The following ROBO2 variants were observed in gnomAD, a reference collection of about 807,000 sequenced individuals.
ROBO2 encodes roundabout guidance receptor 2.
ROBO2 carries 53 observed loss-of-function variants against 160.8 expected under a neutral mutation model. The ratio of observed to expected loss-of-function variants is 0.33; its 90% CI spans 0.26 to 0.41. The LOEUF (loss-of-function observed/expected upper bound fraction) is 0.41. Ranked by LOEUF, ROBO2 falls within the 10% of genes least tolerant of loss-of-function variation. The probability of loss-of-function intolerance (pLI) is 1.00; values close to 1 mark genes in which losing one functional copy is unlikely to be tolerated. For missense variants in ROBO2, 1,577 were observed against 1,722.4 expected (o/e 0.92, Z 1.49); for synonymous variants, 664 against 611.7 (o/e 1.09, Z -1.26).
chr3:76,485,341 A>G (rs2079437531), intron 2 of ROBO2, among the ~76,000 whole-genome samples: 1 of 152,096 alleles, frequency 6.6e-6, no homozygotes, highest in Non-Finnish European at 1.5e-5. Flanking sequence ...AATAGGGTTC[A>G]TGCCCCTGTG....
intron 2 of ROBO2, among the ~76,000 whole-genome samples, chr3:77,379,796 A>C (rs2073194284): frequency 6.6e-6 from 1 of 152,018 alleles, no homozygotes; most frequent in Non-Finnish European, 1.5e-5. Flanking sequence ...TGTTCCATCC[A>C]GATGCCCTTT....
intron 2 of ROBO2, among the ~76,000 whole-genome samples, chr3:76,109,845 A>G (rs2070139301): frequency 6.6e-6 from 1 of 151,576 alleles, no homozygotes; most frequent in Non-Finnish European, 1.5e-5. Flanking sequence ...TGAACTCTAC[A>G]ATGTCTATTA....
At chr3:75,947,962 A>C (rs17028565) in intron 2 of ROBO2, among the ~76,000 whole-genome samples, 5,281 of 152,154 alleles carry the variant, frequency 0.035, 318 homozygotes, top group African/African-American at 0.12. Flanking sequence ...GGCATTCTGA[A>C]GTTGGAAGAT....
chr3:75,997,702 A>C (rs1334592289), intron 2 of ROBO2, among the ~76,000 whole-genome samples: 3 of 151,778 alleles, frequency 2.0e-5, no homozygotes, highest in South Asian at 2.1e-4. Context: ...ACCGTGTTAG[A>C]CAGGATGGTC....
At chr3:76,735,786 A>AAAAAGGGG (rs1553886639) in intron 2 of ROBO2, among the ~76,000 whole-genome samples, 4 of 126,600 alleles carry the variant, frequency 3.2e-5, no homozygotes, top group Non-Finnish European at 3.2e-5. Flanking sequence ...GAAAAAAAAA[A>AAAAAGGGG]GGGGAAAGGG....
At chr3:77,098,863 C>G (rs1350477377) in intron 2 of ROBO2, among the ~76,000 whole-genome samples, 1 of 134,558 alleles carries the variant, frequency 7.4e-6, no homozygotes, top group African/African-American at 3.0e-5. Flanking sequence ...CTCAAAAAAA[C>G]AAACAAACAA....
intron 2 of ROBO2, among the ~76,000 whole-genome samples, chr3:77,359,825 C>T (rs2069666851): frequency 6.6e-6 from 1 of 152,082 alleles, no homozygotes; most frequent in Non-Finnish European, 1.5e-5. Context: ...ACTGCAGACA[C>T]ATGCCACCAC....
intron 2 of ROBO2, among the ~76,000 whole-genome samples, chr3:76,109,809 C>T (rs1039419617): frequency 1.3e-5 from 2 of 151,934 alleles, no homozygotes; most frequent in African/African-American, 4.8e-5. Flanking sequence ...TTTCATCCCT[C>T]ATCCCTCTCC....
chr3:77,267,305 C>A (rs897003587), intron 2 of ROBO2, among the ~76,000 whole-genome samples: 5 of 152,186 alleles, frequency 3.3e-5, no homozygotes, highest in Admixed American at 2.0e-4. Flanking sequence ...TGGAAAACAT[C>A]TAAAACTGCA....
intron 2 of ROBO2, among the ~76,000 whole-genome samples, chr3:76,561,908 C>A (rs917973662): frequency 5.3e-5 from 8 of 152,164 alleles, no homozygotes; most frequent in Admixed American, 3.9e-4. Context: ...TTCTGCCAGA[C>A]CTTCTTCAAA....
intron 16 of ROBO2, among the ~76,000 whole-genome samples, chr3:77,582,193 C>A: frequency 6.6e-6 from 1 of 152,126 alleles, no homozygotes; most frequent in East Asian, 1.9e-4. Context: ...ACTCTGTCTC[C>A]AAGGTTCAAG....
chr3:76,747,789 A>G (rs968274876), intron 2 of ROBO2, among the ~76,000 whole-genome samples: 12 of 152,006 alleles, frequency 7.9e-5, no homozygotes, highest in Non-Finnish European at 1.8e-4. Context: ...TCTTATCTGT[A>G]TGTATTTAAA....
At chr3:76,078,006 T>C (rs1218368553) in intron 2 of ROBO2, among the ~76,000 whole-genome samples, 1 of 152,210 alleles carries the variant, frequency 6.6e-6, no homozygotes, top group Non-Finnish European at 1.5e-5. Context: ...ACAACCCTGC[T>C]TTCCACTCCC....
intron 2 of ROBO2, among the ~76,000 whole-genome samples, chr3:77,128,430 G>T (rs62251801): frequency 0.023 from 3,476 of 152,200 alleles, 53 homozygotes; most frequent in Middle Eastern, 0.068. Flanking sequence ...CCAAGTGGGG[G>T]TTTTCGAATG....
At chr3:76,043,643 A>AAAG (rs2067353542) in intron 2 of ROBO2, among the ~76,000 whole-genome samples, 2 of 149,926 alleles carry the variant, frequency 1.3e-5, no homozygotes, top group South Asian at 4.2e-4. Flanking sequence ...AAAAAAAAAA[A>AAAG]AAACCACACC....
chr3:77,082,518 C>A (rs2068774046), intron 1 of ROBO2, among the ~76,000 whole-genome samples: 1 of 152,020 alleles, frequency 6.6e-6, no homozygotes, highest in South Asian at 2.1e-4. Flanking sequence ...CTAATGATAA[C>A]AGGGATACAA....
chr3:76,117,954 C>G (rs1272825071), intron 2 of ROBO2, among the ~76,000 whole-genome samples: 2 of 151,686 alleles, frequency 1.3e-5, no homozygotes, highest in Non-Finnish European at 2.9e-5. Flanking sequence ...TTCTATAAAA[C>G]TAGATACAGG....
intron 2 of ROBO2, among the ~76,000 whole-genome samples, chr3:76,555,096 C>T (rs1253495702): frequency 2.0e-5 from 3 of 151,808 alleles, no homozygotes; most frequent in Non-Finnish European, 4.4e-5. Context: ...AAATCAAGGT[C>T]AGTACTATTA....
intron 2 of ROBO2, among the ~76,000 whole-genome samples, chr3:76,305,938 T>C (rs957835296): frequency 4.6e-5 from 7 of 152,110 alleles, no homozygotes; most frequent in African/African-American, 7.2e-5. Context: ...GATTTTCTTC[T>C]GATAATTCTT....
Sources: gnomAD v4.1 joint callset for allele counts (sites outside exome capture counted in the v4.1 genomes callset) on GRCh38, gnomAD v4.1.1 for gene constraint, MANE v1.5 for transcripts, NCBI Gene and HGNC (gene_info 2026-07-23, HGNC 2026-07-21) for gene names.